NUP58: variants seen among roughly 807,000 people sequenced by gnomAD.
NUP58 encodes the protein nucleoporin 58.
Under a neutral mutation model 70.1 loss-of-function variants are expected in NUP58, and 17 were observed. The ratio of observed to expected loss-of-function variants is 0.24; its 90% CI spans 0.17 to 0.36. The LOEUF (loss-of-function observed/expected upper bound fraction) is 0.36, where lower values mean the gene tolerates loss of function less well. Among genes scored for constraint, NUP58 ranks in the 10% least tolerant of loss-of-function variants. The pLI is 1.00. For missense variants in NUP58, 644 were observed against 701.5 expected (o/e 0.92, Z 0.93); for synonymous variants, 275 against 257.6 (o/e 1.07, Z -0.65).
intron 3 of NUP58, among the ~76,000 whole-genome samples, chr13:25,349,285 G>A (rs992412196): frequency 3.3e-5 from 5 of 152,124 alleles, no homozygotes; most frequent in Admixed American, 2.0e-4. Flanking sequence ...TTACTTCAGT[G>A]ACCCTCCCTG....
intron 1 of NUP58, among the ~76,000 whole-genome samples, chr13:25,307,469 C>T (rs922676371): frequency 3.3e-5 from 5 of 152,060 alleles, no homozygotes; most frequent in Non-Finnish European, 7.4e-5. Flanking sequence ...CTGCCTCGGC[C>T]TCCCAAAGTG....
downstream of NUP58, among the ~76,000 whole-genome samples, chr13:25,346,674 C>T (rs147512062): frequency 3.3e-3 from 490 of 150,048 alleles, 5 homozygotes; most frequent in African/African-American, 0.011. Flanking sequence ...GAGCAGAGAT[C>T]GCACCATTGC....
chr13:25,329,620 A>G (rs1234002812), intron 12 of NUP58, among the ~76,000 whole-genome samples: 1 of 152,196 alleles, frequency 6.6e-6, no homozygotes, highest in East Asian at 1.9e-4. Context: ...TTAGTGAGCA[A>G]ACTAAGCTCT....
chr13:25,327,285 T>C (rs973365564), intron 11 of NUP58, 145 bp from the exon 12 acceptor site: 1 of 581,404 alleles, frequency 1.7e-6, no homozygotes, highest in Non-Finnish European at 3.1e-6. Flanking sequence ...TGCTACTCTG[T>C]GTGTTCTCTG....
At position 25,342,396 on chromosome 13, in the gene NUP58, T is replaced by G. The variant is rs559009291; in HGVS notation, c.*2262T>G. 6.5e-6 allele frequency: 1 copy of G among 152,734 alleles called. No individual in the cohort carries two copies. Among genetic ancestry groups the G allele is most frequent in the East Asian group, 1.9e-4 (1 of 5,186 alleles). 9.5% of individuals were successfully genotyped at this position (152,734 alleles called of 1,614,324 possible). A position where few individuals can be genotyped will look rare whatever the true frequency, so the allele number is the denominator to read the frequency against. Reference sequence around the variant, plus strand: ...CCTATTATTATGGAAACAATAAAATTTATTGTGTCAGTTGCTTTGATTCTT... The same window carrying G: ...CCTATTATTATGGAAACAATAAAATGTATTGTGTCAGTTGCTTTGATTCTT... On this transcript the variant is annotated 3_prime_UTR_variant, in exon 16 of 16. Coordinates refer to ENST00000381736, the MANE Select transcript of NUP58 (RefSeq NM_014089.4).
chr13:25,304,478 TTATATATATATATATATATA>T (rs67019897), intron 1 of NUP58, among the ~76,000 whole-genome samples: 36 of 83,426 alleles, frequency 4.3e-4, no homozygotes, highest in South Asian at 8.6e-4. Flanking sequence ...GTTGTCAAGA[TTATATATATATATATATATA>T]TATATATATA....
chr13:25,313,622 G>A lies in NUP58; in HGVS notation c.445G>A (p.Gly149Arg), dbSNP rs1423000082. 2.0e-6 allele frequency: 3 copies of A among 1,507,222 alleles called. No individual in the cohort carries two copies. Among genetic ancestry groups the A allele is most frequent in the East Asian group, 5.3e-5 (2 of 37,440 alleles). 93.4% of individuals were successfully genotyped at this position (1,507,222 alleles called of 1,614,324 possible). Residue 149 changes from glycine to arginine, a missense_variant, in exon 5 of 16, where the codon GGA (glycine) becomes AGA (arginine). Around this residue, in one of 4 missense-constraint regions of NUP58, gnomAD observed 430 missense variants for 409.2 expected, o/e 1.05. Transcript: ENST00000381736. ...ALTSTPAASTGFTLNNLGGTT... is the reference protein window; with the variant it reads ...ALTSTPAASTRFTLNNLGGTT... ...TATCTCTCTTTTTATAGCATCCACA[G>A]GATTTACTCTAAATAATTTGGGTGG...
At chr13:25,304,478 T>TTA (rs67019897) in intron 1 of NUP58, among the ~76,000 whole-genome samples, 3,497 of 83,040 alleles carry the variant, frequency 0.042, 91 homozygotes, top group African/African-American at 0.067. Flanking sequence ...GTTGTCAAGA[T>TTA]TATATATATA....
intron 1 of NUP58, among the ~76,000 whole-genome samples, chr13:25,303,481 A>G (rs1379755212): frequency 2.0e-5 from 3 of 151,890 alleles, no homozygotes; most frequent in African/African-American, 7.3e-5. Context: ...TTGATGAATT[A>G]ATTTTTATAT....
rs114162396 is a variant in NUP58, at chr13:25,328,855, G to A, written c.1233+1343G>A. On this transcript the variant is annotated intron_variant, in intron 12 of 15. Transcript: ENST00000381736. The stretch of plus-strand genomic sequence containing the variant: ...AAAATACCTTTAAAATTCAAGCAGC[G>A]AAACCTGAGTCTAGATAAATTATCA... 8.9e-3 allele frequency among the ~76,000 whole-genome samples: 1,351 copies of A among 152,174 alleles called. 30 individuals carry two copies. Among genetic ancestry groups the A allele is most frequent in the African/African-American group, 0.03 (1,258 of 41,502 alleles).
chr13:25,312,242 ATAGAGTAT>A (rs2030704552), intron 3 of NUP58, among the ~76,000 whole-genome samples: 1 of 152,326 alleles, frequency 6.6e-6, no homozygotes, highest in South Asian at 2.1e-4. Context: ...ATGGTTATTG[ATAGAGTAT>A]TAGAGAGGAG....
intron 13 of NUP58, chr13:25,334,832 T>G: frequency 1.0e-6 from 1 of 984,500 alleles, no homozygotes; most frequent in Non-Finnish European, 1.2e-6. Context: ...TGGTAACTTT[T>G]GTAAAATGTT....
chr13:25,342,600 CAG>C (rs145840002), downstream of NUP58, among the ~76,000 whole-genome samples: 570 of 152,150 alleles, frequency 3.7e-3, 1 homozygote, highest in African/African-American at 0.01. Flanking sequence ...ATGACAAAAA[CAG>C]TGAACATTTT....
intron 9 of NUP58, 104 bp downstream of exon 9, chr13:25,321,197 A>G (rs2031170502): frequency 2.1e-6 from 2 of 933,532 alleles, no homozygotes; most frequent in Admixed American, 2.8e-5. Flanking sequence ...ATGAAATTTG[A>G]TACATGCATA....
At chr13:25,349,355 T>C (rs1486993954) in intron 3 of NUP58, among the ~76,000 whole-genome samples, 1 of 152,274 alleles carries the variant, frequency 6.6e-6, no homozygotes, top group Non-Finnish European at 1.5e-5. Flanking sequence ...CTCAGCTTTA[T>C]CACTTGGTAG....
intron 9 of NUP58, among the ~76,000 whole-genome samples, chr13:25,321,588 A>G (rs948381602): frequency 6.6e-6 from 1 of 152,178 alleles, no homozygotes; most frequent in Admixed American, 6.5e-5. Flanking sequence ...TGGATATTAA[A>G]TTTGATGACT....
At position 25,315,232 on chromosome 13, in the gene NUP58, G is replaced by A. The variant is rs73470436; in HGVS notation, c.575-125G>A. 1,517 of 723,408 alleles carry A rather than the reference G, an allele frequency of 2.1e-3. 9 individuals carry two copies. Among genetic ancestry groups the A allele is most frequent in the African/African-American group, 0.018 (1,019 of 56,686 alleles). The allele number at this position is 723,408 out of a possible 1,614,324, so 44.8% of individuals were successfully genotyped here. ...AACATCTCCAGGCTTGTTTCTTGTT[G>A]TTTGCCTAAATCAAATATGAAGAAA... On this transcript the variant is annotated intron_variant, in intron 5 of 15. Coordinates refer to ENST00000381736, the MANE Select transcript of NUP58 (RefSeq NM_014089.4).
chr13:25,331,926 C>CA (rs1203400476), intron 13 of NUP58: 1 of 1,062,290 alleles, frequency 9.4e-7, no homozygotes, highest in East Asian at 7.3e-5. Context: ...TCCATCCATT[C>CA]TTTGAATTTT....
intron 13 of NUP58, chr13:25,332,507 A>G (rs2031644022): frequency 1.0e-6 from 1 of 983,392 alleles, no homozygotes; most frequent in Non-Finnish European, 1.2e-6. Flanking sequence ...TGAGAGTTCC[A>G]TATAGTCCAG....
Sources: allele counts gnomAD v4.1 joint callset (sites outside exome capture counted in the v4.1 genomes callset), GRCh38; gene constraint gnomAD v4.1.1; regional missense constraint gnomAD v4.1.1; transcripts MANE v1.5; gene names NCBI Gene and HGNC (gene_info 2026-07-23, HGNC 2026-07-21).